The following SUGCT variants were observed in gnomAD, a reference collection of about 807,000 sequenced individuals.
The protein encoded by SUGCT is succinyl-CoA:glutarate CoA-transferase.
A neutral mutation model predicts 55.0 loss-of-function variants in SUGCT; 41 were observed. The ratio of observed to expected loss-of-function variants is 0.74; its 90% confidence interval spans 0.58 to 0.97. The LOEUF is 0.97. SUGCT is among the 50% of genes least tolerant of loss of function. SUGCT has a pLI of 0.00. For synonymous variants in SUGCT, 187 were observed against 200.4 expected (o/e 0.93, Z 0.56); for missense variants, 568 against 547.8 (o/e 1.04, Z -0.37).
At chr7:40,333,874 G>C (rs1206038986) in intron 9 of SUGCT, among the ~76,000 whole-genome samples, 2 of 150,634 alleles carry the variant, frequency 1.3e-5, no homozygotes, top group Non-Finnish European at 3.0e-5. Flanking sequence ...TTTACATTAG[G>C]CATATCTCCT....
chr7:40,376,953 C>T (rs1369136147), intron 9 of SUGCT, among the ~76,000 whole-genome samples: 2 of 151,286 alleles, frequency 1.3e-5, no homozygotes, highest in Non-Finnish European at 1.5e-5. Flanking sequence ...TTTTTTCCCC[C>T]AGCGTGTTAA....
chr7:40,478,576 G>A (rs1203656761), intron 11 of SUGCT, among the ~76,000 whole-genome samples: 4 of 152,080 alleles, frequency 2.6e-5, no homozygotes, highest in African/African-American at 7.2e-5. Flanking sequence ...TTTAAGGGGT[G>A]CAGTGTTGTG....
intron 1 of SUGCT, among the ~76,000 whole-genome samples, chr7:40,158,100 A>G (rs1210036092): frequency 6.6e-6 from 1 of 152,004 alleles, no homozygotes; most frequent in Non-Finnish European, 1.5e-5. Context: ...CCAGCTACTC[A>G]GGAGGCTGAG....
chr7:40,670,472 T>C (rs192236941), intron 12 of SUGCT, among the ~76,000 whole-genome samples: 86 of 152,190 alleles, frequency 5.7e-4, no homozygotes, highest in Non-Finnish European at 1.5e-5. Flanking sequence ...AACAGGATAT[T>C]ACTACAGACC....
intron 13 of SUGCT, among the ~76,000 whole-genome samples, chr7:40,763,565 G>A (rs919897066): frequency 6.6e-5 from 10 of 152,132 alleles, no homozygotes; most frequent in Non-Finnish European, 1.3e-4. Flanking sequence ...GTGGTCACCA[G>A]GGGTGTTACT....
chr7:40,592,926 A>C (rs1797806210), intron 12 of SUGCT, among the ~76,000 whole-genome samples: 1 of 152,154 alleles, frequency 6.6e-6, no homozygotes, highest in African/African-American at 2.4e-5. Flanking sequence ...ACATTTTGAC[A>C]CTTTGCATCA....
intron 12 of SUGCT, among the ~76,000 whole-genome samples, chr7:40,643,482 C>G (rs1447822629): frequency 6.6e-6 from 1 of 152,162 alleles, no homozygotes; most frequent in African/African-American, 2.4e-5. Context: ...GGGGAGTCCT[C>G]TTAGTTGAGC....
chr7:40,188,615 T>A, intron 4 of SUGCT, 35 bp downstream of exon 4: 1 of 1,413,766 alleles, frequency 7.1e-7, no homozygotes. Flanking sequence ...TTTTTGTGTG[T>A]AATTCTCTTA....
At chr7:40,163,986 T>G (rs1379157284) in intron 1 of SUGCT, among the ~76,000 whole-genome samples, 1 of 152,074 alleles carries the variant, frequency 6.6e-6, no homozygotes, top group Non-Finnish European at 1.5e-5. Flanking sequence ...CACACCCAGT[T>G]AATTTTTGTA....
chr7:40,412,629 T>A (rs1786759139), intron 9 of SUGCT, among the ~76,000 whole-genome samples: 1 of 152,182 alleles, frequency 6.6e-6, no homozygotes, highest in Non-Finnish European at 1.5e-5. Flanking sequence ...TTCTTATCAG[T>A]TTTGGGGGGC....
chr7:40,743,049 G>T (rs1008804305), intron 12 of SUGCT, among the ~76,000 whole-genome samples: 10 of 152,168 alleles, frequency 6.6e-5, no homozygotes, highest in African/African-American at 2.4e-4. Flanking sequence ...GTATAAATGT[G>T]CATGCCCATG....
chr7:41,035,376 G>A, the SUGCT span, among the ~76,000 whole-genome samples: 1 of 152,062 alleles, frequency 6.6e-6, no homozygotes, highest in Non-Finnish European at 1.5e-5. Flanking sequence ...GAACCCCTGG[G>A]CCCTTCCATC....
intron 9 of SUGCT, among the ~76,000 whole-genome samples, chr7:40,408,911 G>A (rs890293593): frequency 3.3e-5 from 5 of 152,062 alleles, no homozygotes; most frequent in African/African-American, 4.8e-5. Flanking sequence ...GGCCTACATG[G>A]TTTTGGCCTT....
chr7:41,004,710 C>T, the SUGCT span, among the ~76,000 whole-genome samples: 1 of 152,116 alleles, frequency 6.6e-6, no homozygotes, highest in Admixed American at 6.5e-5. Flanking sequence ...AACATGTACC[C>T]AGTGTTTTGA....
chr7:40,888,448 C>CAA, the SUGCT span, among the ~76,000 whole-genome samples: 18 of 124,448 alleles, frequency 1.4e-4, no homozygotes, highest in African/African-American at 4.1e-4. Flanking sequence ...AGACTCCATC[C>CAA]AAAAAAAAAA....
At chr7:40,965,856 T>C in the SUGCT span, 1 of 152,198 alleles carries the variant, frequency 6.6e-6, no homozygotes, top group Non-Finnish European at 1.5e-5. Flanking sequence ...ACTTTGTTAA[T>C]TTGCTGATAT....
the SUGCT span, among the ~76,000 whole-genome samples, chr7:40,927,681 A>G: frequency 6.6e-6 from 1 of 152,148 alleles, no homozygotes; most frequent in African/African-American, 2.4e-5. Context: ...CCTGCAATAT[A>G]TGAGCCTCTT....
At chr7:40,561,290 T>G (rs1795822755) in intron 12 of SUGCT, among the ~76,000 whole-genome samples, 1 of 152,198 alleles carries the variant, frequency 6.6e-6, no homozygotes, top group Admixed American at 6.5e-5. Context: ...ATTTCTTCCT[T>G]CTCTAATTGG....
intron 12 of SUGCT, among the ~76,000 whole-genome samples, chr7:40,733,992 A>T (rs1203721): frequency 0.37 from 56,738 of 152,086 alleles, 13,559 homozygotes; most frequent in African/African-American, 0.69. Context: ...TTTTGTTACA[A>T]CCTTCATATT....
Sources: gnomAD v4.1 joint callset for allele counts (sites outside exome capture counted in the v4.1 genomes callset) on GRCh38, gnomAD v4.1.1 for gene constraint, MANE v1.5 for transcripts, NCBI Gene and HGNC (gene_info 2026-07-23, HGNC 2026-07-21) for gene names.